PALLD: variants seen among roughly 807,000 people sequenced by gnomAD.
The protein encoded by PALLD is palladin.
In PALLD, 61 loss-of-function variants were observed where a neutral mutation model predicts 123.5. The ratio of observed to expected loss-of-function variants is 0.49; its 90% CI spans 0.40 to 0.61. The LOEUF is 0.61. Ranked by LOEUF, PALLD falls within the 20% of genes least tolerant of loss-of-function variation. The probability of loss-of-function intolerance (pLI) is 0.00; values close to 1 mark genes in which losing one functional copy is unlikely to be tolerated. For missense variants in PALLD, 1,273 were observed against 1,377.0 expected (o/e 0.92, Z 1.20); for synonymous variants, 465 against 496.4 (o/e 0.94, Z 0.84).
Position 168,835,658 on chromosome 4 carries a change from A to T in PALLD, c.1965-55264A>T, listed in dbSNP as rs56246067. On this transcript the variant is annotated intron_variant, in intron 10 of 21. Coordinates refer to ENST00000505667, the MANE Select transcript of PALLD (RefSeq NM_001166108.2). ...ATTTTAAGAGAGGATAAAGAATTAG[A>T]GATGGTAGATGAGAAATGTTTCATC... Among the ~76,000 whole-genome samples, 272 of 142,080 alleles carry T rather than the reference A, an allele frequency of 1.9e-3. 6 individuals are homozygous for T. The highest frequency in any genetic ancestry group is 8.1e-3 in the East Asian group (38 of 4,714). The allele number at this position is 142,080 out of a possible 152,430, so 93.2% of individuals were successfully genotyped here.
intron 17 of PALLD, among the ~76,000 whole-genome samples, chr4:168,920,445 GAA>G (rs1761225851): frequency 6.6e-6 from 1 of 152,140 alleles, no homozygotes; most frequent in East Asian, 1.9e-4. Context: ...TTCTTCAAAA[GAA>G]CTGTTTTACA....
chr4:168,512,171 C>A lies in PALLD; in HGVS notation c.667C>A (p.Pro223Thr). ...ALLSASASQSPMEDQGEMERE... is the reference protein window; with the variant it reads ...ALLSASASQSTMEDQGEMERE... ...GCTGAGTGCCTCAGCCAGCCAGAGC[C>A]CTATGGAAGACCAAGGGGAGATGGA... The change falls in exon 2 of 22, where the codon CCT becomes ACT. Residue 223 changes from proline (P) to threonine (T), a missense_variant. Pro to Thr is a conservative substitution (Grantham distance 38, BLOSUM62 -1). Around this residue, in one of 2 missense-constraint regions of PALLD, gnomAD observed 944 missense variants for 954.5 expected, o/e 0.99. Coordinates refer to ENST00000505667, the MANE Select transcript of PALLD (RefSeq NM_001166108.2). 2 of 1,614,056 alleles carry A rather than the reference C, an allele frequency of 1.2e-6. No individual in the cohort carries two copies. Among genetic ancestry groups the A allele is most frequent in the Non-Finnish European group, 1.7e-6 (2 of 1,179,968 alleles).
At chr4:168,877,581 C>A in intron 10 of PALLD, 1 of 220,714 alleles carries the variant, frequency 4.5e-6, no homozygotes, top group Non-Finnish European at 8.3e-6. Context: ...CACACTTGGG[C>A]CTGCTAACGT....
At chr4:168,691,621 T>A (rs1029713813) in intron 8 of PALLD, among the ~76,000 whole-genome samples, 8 of 152,078 alleles carry the variant, frequency 5.3e-5, no homozygotes, top group Non-Finnish European at 8.8e-5. Context: ...CTCCTAAAAT[T>A]CCAGTAGAGA....
chr4:168,618,742 T>C (rs2149790868), intron 2 of PALLD, among the ~76,000 whole-genome samples: 1 of 152,356 alleles, frequency 6.6e-6, no homozygotes, highest in African/African-American at 2.4e-5. Context: ...CACCTGTCAC[T>C]GCTGCCCAGC....
intron 10 of PALLD, among the ~76,000 whole-genome samples, chr4:168,773,165 A>G (rs1455992818): frequency 6.6e-6 from 1 of 152,244 alleles, no homozygotes; most frequent in African/African-American, 2.4e-5. Flanking sequence ...TTGAAATTAT[A>G]TTGTTTAGAA....
intron 6 of PALLD, among the ~76,000 whole-genome samples, chr4:168,687,956 G>T (rs1485298780): frequency 6.6e-6 from 1 of 152,120 alleles, no homozygotes; most frequent in Non-Finnish European, 1.5e-5. Flanking sequence ...AGAGCCACTG[G>T]AAGCTCAGAG....
chr4:168,577,353 A>G (rs1769730130), intron 2 of PALLD, among the ~76,000 whole-genome samples: 1 of 152,154 alleles, frequency 6.6e-6, no homozygotes, highest in South Asian at 2.1e-4. Flanking sequence ...GTTTGCCCAC[A>G]AGGACTCAAA....
chr4:168,623,966 T>A (rs184584478), intron 2 of PALLD, among the ~76,000 whole-genome samples: 2 of 152,346 alleles, frequency 1.3e-5, no homozygotes, highest in Non-Finnish European at 2.9e-5. Flanking sequence ...AAGATACATG[T>A]TATTCAACTC....
At chr4:168,625,500 G>GATATATATAT (rs1554052783) in intron 2 of PALLD, among the ~76,000 whole-genome samples, 7 of 35,252 alleles carry the variant, frequency 2.0e-4, no homozygotes, top group African/African-American at 4.3e-4. Context: ...TAATATCCAG[G>GATATATATAT]AGATATATAT....
At chr4:168,696,298 A>G (rs1783122796) in intron 8 of PALLD, among the ~76,000 whole-genome samples, 1 of 152,062 alleles carries the variant, frequency 6.6e-6, no homozygotes, top group African/African-American at 2.4e-5. Flanking sequence ...TATGAACTTT[A>G]CCTCTCTCAG....
chr4:168,920,222 CAG>C (rs1476175621), intron 17 of PALLD, among the ~76,000 whole-genome samples: 2 of 152,210 alleles, frequency 1.3e-5, no homozygotes, highest in Admixed American at 6.5e-5. Context: ...TAGGAGAACA[CAG>C]AGCCTGAGTG....
intron 2 of PALLD, among the ~76,000 whole-genome samples, chr4:168,663,095 T>C (rs1307322480): frequency 6.6e-6 from 1 of 152,262 alleles, no homozygotes; most frequent in Non-Finnish European, 1.5e-5. Flanking sequence ...TTTCTTCATC[T>C]GTAAGCATAT....
intron 15 of PALLD, among the ~76,000 whole-genome samples, chr4:168,913,419 G>A (rs961381871): frequency 6.6e-6 from 1 of 152,072 alleles, no homozygotes; most frequent in Admixed American, 6.6e-5. Flanking sequence ...TTACAGGCAT[G>A]AGCCATCGTG....
chr4:168,557,104 C>T lies in PALLD; in HGVS notation c.908+44692C>T, dbSNP rs537850703. Among the ~76,000 whole-genome samples the T allele has an allele frequency of 1.8e-4, 28 of 151,808 alleles. No homozygotes were observed. In the South Asian group the frequency reaches 2.7e-3, roughly 15 times the overall value. The stretch of plus-strand genomic sequence containing the variant: ...TGTTGCCCAGGCTGGAGTGCAGTGA[C>T]GGGATCTTGGCTCACTGCAACCTCC... On this transcript the variant is annotated intron_variant, in intron 2 of 21. Transcript: ENST00000505667.
chr4:168,567,071 T>C (rs1248199635), intron 2 of PALLD, among the ~76,000 whole-genome samples: 6 of 152,242 alleles, frequency 3.9e-5, no homozygotes, highest in African/African-American at 1.4e-4. Context: ...GTGAGTTGTC[T>C]CTGTAGCTCC....
intron 10 of PALLD, among the ~76,000 whole-genome samples, chr4:168,815,542 C>T (rs1485465609): frequency 1.3e-5 from 2 of 152,230 alleles, no homozygotes; most frequent in Non-Finnish European, 2.9e-5. Flanking sequence ...AAGCTAAACA[C>T]TATTTCCACA....
At position 168,832,055 on chromosome 4, in the gene PALLD, C is replaced by A. The variant is rs1023781253; in HGVS notation, c.1965-58867C>A. 6.1e-6 allele frequency: 6 copies of A among 985,402 alleles called. No individual in the cohort carries two copies. The African/African-American group carries it at 1.0e-4, about 17-fold the overall frequency. The allele number at this position is 985,402 out of a possible 1,614,324, so 61.0% of individuals were successfully genotyped here. A position where few individuals can be genotyped will look rare whatever the true frequency, so the allele number is the denominator to read the frequency against. The stretch of plus-strand genomic sequence containing the variant: ...GCTCGGAGCCTCCTGAGTCACCCGG[C>A]GGGCGAGGTATAAAGCCCGATACCT... On this transcript the variant is annotated intron_variant, in intron 10 of 21. Coordinates refer to ENST00000505667, the MANE Select transcript of PALLD (RefSeq NM_001166108.2).
intron 2 of PALLD, among the ~76,000 whole-genome samples, chr4:168,514,631 T>C (rs1280734695): frequency 3.3e-5 from 5 of 152,216 alleles, no homozygotes; most frequent in African/African-American, 9.6e-5. Flanking sequence ...TCAGATTCTA[T>C]TTAGATTTTT....
Sources: allele counts gnomAD v4.1 joint callset (sites outside exome capture counted in the v4.1 genomes callset), GRCh38; gene constraint gnomAD v4.1.1; regional missense constraint gnomAD v4.1.1; transcripts MANE v1.5; gene names NCBI Gene and HGNC (gene_info 2026-07-23, HGNC 2026-07-21).